The following WWOX variants were observed in gnomAD, a reference collection of about 807,000 sequenced individuals.
WWOX encodes WW domain-containing oxidoreductase.
WWOX carries 69 observed loss-of-function variants against 46.2 expected under a neutral mutation model. That is an observed-to-expected ratio of 1.49 (90% CI 1.23 to 1.82). The LOEUF is 1.82. Ranked by LOEUF, WWOX falls within the 40% of genes most tolerant of loss-of-function variation. WWOX has a pLI of 0.00. For missense variants in WWOX, 919 were observed against 542.6 expected, an observed-to-expected ratio of 1.69 and a Z score of -6.89; for synonymous variants, 359 against 202.6, an observed-to-expected ratio of 1.77 and a Z score of -6.56.
At chr16:79,184,978 C>G (rs1216700425) in intron 8 of WWOX, among the ~76,000 whole-genome samples, 1 of 152,184 alleles carries the variant, frequency 6.6e-6, no homozygotes, top group Admixed American at 6.5e-5. Context: ...GTCCCTAGCA[C>G]TGACAATGAA....
chr16:78,406,639 T>C (rs2082554317), intron 6 of WWOX, among the ~76,000 whole-genome samples: 1 of 149,772 alleles, frequency 6.7e-6, no homozygotes. Context: ...TTTTTTTTTT[T>C]TTTGAGAGAT....
At chr16:79,174,460 C>T (rs1224633113) in intron 8 of WWOX, among the ~76,000 whole-genome samples, 3 of 152,174 alleles carry the variant, frequency 2.0e-5, no homozygotes, top group Admixed American at 6.5e-5. Flanking sequence ...ATTAGCTTGA[C>T]CAACATAGTG....
At chr16:78,996,193 T>A in intron 8 of WWOX, 1 of 984,026 alleles carries the variant, frequency 1.0e-6, no homozygotes, top group Non-Finnish European at 1.2e-6. Context: ...AAATAAAATC[T>A]CCATTTAGAA....
chr16:78,791,016 C>G (rs2050583346), intron 8 of WWOX, among the ~76,000 whole-genome samples: 1 of 41,604 alleles, frequency 2.4e-5, no homozygotes, highest in South Asian at 8.0e-4. Flanking sequence ...CAGACCCTGT[C>G]TCAAAAAAAA....
In WWOX at chr16:79,212,472, T is replaced by TA. The variant is rs2051800591; in HGVS notation, c.*677dup. The TA allele has an allele frequency of 4.3e-6, 1 of 230,172 alleles. No individual in the cohort carries two copies. The highest frequency in any genetic ancestry group is 2.2e-5 in the African/African-American group (1 of 44,970). The allele number at this position is 230,172 out of a possible 1,614,324, so 14.3% of individuals were successfully genotyped here. Reference sequence around the variant, plus strand: ...ATAACAAATTTTTCAAATCATTCCTTAGATACCTTGAAAGGCAGGAAGGGA... The same window carrying TA: ...ATAACAAATTTTTCAAATCATTCCTTAAGATACCTTGAAAGGCAGGAAGGGA... On this transcript the variant is annotated 3_prime_UTR_variant, in exon 9 of 9. Transcript: ENST00000566780.
intron 5 of WWOX, among the ~76,000 whole-genome samples, chr16:78,170,728 A>T (rs1388441957): frequency 6.6e-6 from 1 of 152,240 alleles, no homozygotes; most frequent in Admixed American, 6.5e-5. Flanking sequence ...TTTTGTATTT[A>T]CAAAGAAATA....
At chr16:78,126,837 C>G (rs2033382992) in intron 4 of WWOX, among the ~76,000 whole-genome samples, 1 of 152,134 alleles carries the variant, frequency 6.6e-6, no homozygotes, top group Non-Finnish European at 1.5e-5. Flanking sequence ...GGTGGAGTCC[C>G]AAGATGACAC....
chr16:79,131,326 A>C (rs577652557), intron 8 of WWOX, among the ~76,000 whole-genome samples: 1 of 152,282 alleles, frequency 6.6e-6, no homozygotes, highest in East Asian at 1.9e-4. Flanking sequence ...TGTGCTTGGA[A>C]AAAATTAGTT....
chr16:78,822,516 C>G (rs1335725822), intron 8 of WWOX, among the ~76,000 whole-genome samples: 2 of 151,956 alleles, frequency 1.3e-5, no homozygotes, highest in African/African-American at 2.4e-5. Flanking sequence ...AAAACAAAAA[C>G]AAACAAAAAT....
chr16:78,236,786 T>A (rs1338734523), intron 5 of WWOX, among the ~76,000 whole-genome samples: 2 of 152,086 alleles, frequency 1.3e-5, no homozygotes, highest in Non-Finnish European at 2.9e-5. Flanking sequence ...ATAATATCTG[T>A]GTTCCTACGG....
chr16:78,916,387 A>T (rs1030591959), intron 8 of WWOX, among the ~76,000 whole-genome samples: 2 of 152,198 alleles, frequency 1.3e-5, no homozygotes, highest in Non-Finnish European at 2.9e-5. Flanking sequence ...TAATCCCCCA[A>T]AAGTCAAACA....
At chr16:78,457,112 A>G (rs977882573) in intron 8 of WWOX, among the ~76,000 whole-genome samples, 3 of 152,226 alleles carry the variant, frequency 2.0e-5, no homozygotes, top group Non-Finnish European at 4.4e-5. Flanking sequence ...CAGTGTTCAG[A>G]CAGAATGGTA....
chr16:78,785,031 A>G (rs555591275), intron 8 of WWOX, among the ~76,000 whole-genome samples: 142 of 152,322 alleles, frequency 9.3e-4, no homozygotes, highest in African/African-American at 3.3e-3. Flanking sequence ...TGGCAACAGC[A>G]GTTATAGCCA....
rs7198496 is a variant in WWOX, at chr16:78,787,377, G to C, written c.1056+354625G>C. On this transcript the variant is annotated intron_variant, in intron 8 of 8. Transcript: ENST00000566780. ...ACCACATCTACTTTGTGTCTCTATA[G>C]ATTTGACTATTCTGGATATCTCATA... Among the ~76,000 whole-genome samples the C allele has an allele frequency of 8.9e-3, 1,354 of 152,116 alleles. 9 individuals are homozygous for C. The highest frequency in any genetic ancestry group is 0.015 in the South Asian group (70 of 4,820).
chr16:78,554,599 A>G (rs1180673998), intron 8 of WWOX, among the ~76,000 whole-genome samples: 1 of 152,198 alleles, frequency 6.6e-6, no homozygotes, highest in South Asian at 2.1e-4. Context: ...GTGTACACAC[A>G]CAGGTACACA....
intron 8 of WWOX, chr16:78,552,598 C>T (rs569628887): frequency 1.2e-4 from 18 of 152,294 alleles, no homozygotes; most frequent in Admixed American, 4.6e-4. Flanking sequence ...GCATTCAGAA[C>T]GAGAGCTCAT....
chr16:79,033,938 T>A lies in WWOX; in HGVS notation c.1057-177670T>A, dbSNP rs140633795. Among the ~76,000 whole-genome samples the A allele has an allele frequency of 5.6e-4, 86 of 152,316 alleles. No individual in the cohort carries two copies. The East Asian group carries it at 0.016, about 28-fold the overall frequency. ...GGCTGGCTAGACCATGTCACAGGGATGTTGGAACTGGGTGGCACTGACTGG... is the reference window on the plus strand; with the variant it reads ...GGCTGGCTAGACCATGTCACAGGGAAGTTGGAACTGGGTGGCACTGACTGG... On this transcript the variant is annotated intron_variant, in intron 8 of 8. Coordinates refer to ENST00000566780, the MANE Select transcript of WWOX (RefSeq NM_016373.4).
At chr16:78,725,131 G>C (rs561887420) in intron 8 of WWOX, among the ~76,000 whole-genome samples, 1 of 152,136 alleles carries the variant, frequency 6.6e-6, no homozygotes, top group African/African-American at 2.4e-5. Context: ...TGAATCTCAT[G>C]AGATCTGATG....
At chr16:78,110,292 A>G (rs1179315596) in intron 3 of WWOX, among the ~76,000 whole-genome samples, 2 of 146,804 alleles carry the variant, frequency 1.4e-5, no homozygotes, top group African/African-American at 5.1e-5. Flanking sequence ...GTGAGCTGAG[A>G]TCGCGCCACT....
Sources: allele counts gnomAD v4.1 joint callset (sites outside exome capture counted in the v4.1 genomes callset), GRCh38; gene constraint gnomAD v4.1.1; transcripts MANE v1.5; gene names NCBI Gene and HGNC (gene_info 2026-07-23, HGNC 2026-07-21).